The following COPZ1 variants were observed in gnomAD, a reference collection of about 807,000 sequenced individuals.
The protein encoded by COPZ1 is coatomer subunit zeta-1.
Under a neutral mutation model 31.7 loss-of-function variants are expected in COPZ1, and 4 were observed. That is an observed-to-expected ratio of 0.13 (90% CI 0.06 to 0.29). The LOEUF (loss-of-function observed/expected upper bound fraction) is 0.29, where lower values mean the gene tolerates loss of function less well. COPZ1 is among the 10% of genes least tolerant of loss of function. The pLI is 1.00. For missense variants in COPZ1, 156 were observed against 211.5 expected, an observed-to-expected ratio of 0.74 and a Z score of 1.63; for synonymous variants, 74 against 79.0, an observed-to-expected ratio of 0.94 and a Z score of 0.33.
rs544566942 is a variant in COPZ1 at position 54,337,554 on chromosome 12, C to A, written c.19-2993C>A. On this transcript the variant is annotated intron_variant, in intron 1 of 8. Transcript: ENST00000262061. ...ATGACTTCTGGGGCCTTTAAACTGG[C>A]TAGTTTTATGGCATAGCCCTCCCCA... Among the ~76,000 whole-genome samples the A allele has an allele frequency of 1.7e-3, 252 of 152,280 alleles. 1 individual carries two copies. The highest frequency in any genetic ancestry group is 3.1e-3 in the Non-Finnish European group (213 of 68,016).
chr12:54,332,095 C>T (rs902578765), intron 1 of COPZ1, among the ~76,000 whole-genome samples: 11 of 152,076 alleles, frequency 7.2e-5, no homozygotes, highest in East Asian at 1.9e-4. Context: ...GAGGCCGAGG[C>T]GGGCGGATCA....
intron 7 of COPZ1, among the ~76,000 whole-genome samples, chr12:54,348,612 C>T (rs1565597888): frequency 6.6e-6 from 1 of 152,060 alleles, no homozygotes; most frequent in Non-Finnish European, 1.5e-5. Flanking sequence ...TGGTGCGTGC[C>T]TGTGATCCCA....
chr12:54,341,616 C>T (rs931739250), intron 2 of COPZ1, among the ~76,000 whole-genome samples: 5 of 152,188 alleles, frequency 3.3e-5, no homozygotes, highest in Non-Finnish European at 7.3e-5. Context: ...AAAGAGCTAG[C>T]GATTTAGCAG....
In COPZ1 at chr12:54,346,270, CTTTTTTTTT is replaced by C. The variant is rs1029430029; in HGVS notation, c.317+762_317+770del. On this transcript the variant is annotated intron_variant, in intron 5 of 8. Coordinates refer to ENST00000262061, the MANE Select transcript of COPZ1 (RefSeq NM_016057.3). ...GAAGCAACACTCCCAATTTTTTTTT[CTTTTTTTTT>C]TTTTTTGAGATGGAGTCTCACTCTG... Among the ~76,000 whole-genome samples the C allele has an allele frequency of 3.6e-5, 5 of 138,446 alleles. No individual in the cohort carries two copies. In the East Asian group the frequency reaches 1.1e-3, roughly 29 times the overall value. 90.8% of individuals were successfully genotyped at this position (138,446 alleles called of 152,430 possible). A position where few individuals can be genotyped will look rare whatever the true frequency, so the allele number is the denominator to read the frequency against.
At chr12:54,340,491 G>A in intron 1 of COPZ1, 56 bp from the exon 2 acceptor site, 1 of 1,609,404 alleles carries the variant, frequency 6.2e-7, no homozygotes, top group Non-Finnish European at 8.5e-7. Context: ...AAGGTATCTG[G>A]TTTACCAGTG....
Position 54,350,812 on chromosome 12 carries a change from C to T in COPZ1, c.*289C>T. The T allele has an allele frequency of 6.5e-6, 3 of 465,044 alleles. No individual in the cohort carries two copies. Among genetic ancestry groups the T allele is most frequent in the African/African-American group, 1.9e-5 (1 of 51,830 alleles). The allele number at this position is 465,044 out of a possible 1,614,324, so 28.8% of individuals were successfully genotyped here. ...GATTATGCTCACATGCTCCCTTGCC[C>T]TGACATTTTTGTAAATTCTGTGCCC... is the stretch of plus-strand genomic sequence containing the variant. On this transcript the variant is annotated 3_prime_UTR_variant, in exon 9 of 9. Transcript: ENST00000262061.
chr12:54,335,809 C>CTACA (rs1953852665), intron 1 of COPZ1, among the ~76,000 whole-genome samples: 1 of 151,272 alleles, frequency 6.6e-6, no homozygotes, highest in Non-Finnish European at 1.5e-5. Context: ...GTAGCTGAGA[C>CTACA]TACAGGTGCA....
rs71070816 is a variant in COPZ1, at chr12:54,326,640, GGTGTGTGTGTGTGTGTGT to G, written c.18+1482_18+1499del. ...AGTGCCCTATTTTGCGATTTGGAGG[GGTGTGTGTGTGTGTGTGT>G]GTGTGTGTGTGTGTGTGTGTGTAGG... is the stretch of plus-strand genomic sequence containing the variant. On this transcript the variant is annotated intron_variant, in intron 1 of 8. Transcript: ENST00000262061. Among the ~76,000 whole-genome samples the G allele has an allele frequency of 8.2e-5, 11 of 134,484 alleles. No individual in the cohort carries two copies. The Admixed American group carries it at 8.8e-4, about 11-fold the overall frequency. The allele number at this position is 134,484 out of a possible 152,430, so 88.2% of individuals were successfully genotyped here.
chr12:54,349,309 AG>A lies in COPZ1; in HGVS notation c.448-309del, dbSNP rs745935560. Among the ~76,000 whole-genome samples the A allele has an allele frequency of 6.6e-5, 10 of 152,268 alleles. No homozygotes were observed. The East Asian group carries it at 9.7e-4, about 15-fold the overall frequency. ...AAAGGCCTTTTCTGACTAGGGAATC[AG>A]GTCCTCCACCCCCACGTTAAGGGAG... On this transcript the variant is annotated intron_variant, in intron 7 of 8. Transcript: ENST00000262061.
intron 1 of COPZ1, among the ~76,000 whole-genome samples, chr12:54,338,307 T>G (rs1953908000): frequency 6.6e-6 from 1 of 152,228 alleles, no homozygotes; most frequent in South Asian, 2.1e-4. Context: ...CTTTTGGAAT[T>G]GAGGACCCAA....
At chr12:54,347,441 T>TC (rs955748085) in intron 5 of COPZ1, among the ~76,000 whole-genome samples, 1 of 152,182 alleles carries the variant, frequency 6.6e-6, no homozygotes, top group African/African-American at 2.4e-5. Flanking sequence ...ATTGTTTTTT[T>TC]CCACCCACTG....
At chr12:54,329,471 C>G (rs891237980) in intron 1 of COPZ1, among the ~76,000 whole-genome samples, 7 of 152,082 alleles carry the variant, frequency 4.6e-5, no homozygotes, top group Admixed American at 6.5e-5. Context: ...TAATCCCCAG[C>G]TACACGGGAG....
intron 1 of COPZ1, chr12:54,340,268 C>T: frequency 4.1e-6 from 2 of 489,426 alleles, no homozygotes; most frequent in Middle Eastern, 5.2e-4. Context: ...TTGGAAATAA[C>T]AGCATGACCT....
chr12:54,333,165 T>C (rs1953788731), intron 1 of COPZ1, among the ~76,000 whole-genome samples: 1 of 152,142 alleles, frequency 6.6e-6, no homozygotes, highest in African/African-American at 2.4e-5. Flanking sequence ...TGCCTCAGCC[T>C]CCTGAATAGC....
At chr12:54,349,472 AC>A (rs1382681942) in intron 7 of COPZ1, 147 bp from the exon 8 acceptor site, 1 of 736,242 alleles carries the variant, frequency 1.4e-6, no homozygotes, top group African/African-American at 1.7e-5. Context: ...TTGTAGCTGT[AC>A]TAGTCCCTAG....
chr12:54,337,342 G>A lies in COPZ1; in HGVS notation c.19-3205G>A, dbSNP rs780005994. 16 of 532,326 alleles carry A rather than the reference G, an allele frequency of 3.0e-5. No homozygotes were observed. In the East Asian group the frequency reaches 8.2e-4, roughly 27 times the overall value. The allele number at this position is 532,326 out of a possible 1,614,324, so 33.0% of individuals were successfully genotyped here. ...AGCTACCCATTTTGGGAGTGGGAGGGAAGAATAGACCTTTTAAATTCTTTC... is the reference window on the plus strand; with the variant it reads ...AGCTACCCATTTTGGGAGTGGGAGGAAAGAATAGACCTTTTAAATTCTTTC... On this transcript the variant is annotated intron_variant, in intron 1 of 8. Transcript: ENST00000262061.
chr12:54,340,446 TCTGTATCCC>T, intron 1 of COPZ1, 92 bp from the exon 2 acceptor site: 2 of 1,547,810 alleles, frequency 1.3e-6, no homozygotes, highest in Non-Finnish European at 1.7e-6. Flanking sequence ...CAGAGGTACC[TCTGTATCCC>T]CTTGCAGCCC....
chr12:54,329,719 T>C (rs772440418), intron 1 of COPZ1, among the ~76,000 whole-genome samples: 1 of 152,214 alleles, frequency 6.6e-6, no homozygotes, highest in Non-Finnish European at 1.5e-5. Flanking sequence ...AATTCTGTAC[T>C]TTGTCTTACC....
chr12:54,333,778 T>C (rs1953802760), intron 1 of COPZ1, among the ~76,000 whole-genome samples: 1 of 152,170 alleles, frequency 6.6e-6, no homozygotes, highest in African/African-American at 2.4e-5. Context: ...GATAGGAAGA[T>C]TGTAGGTGTC....
Sources: gnomAD v4.1 joint callset for allele counts (sites outside exome capture counted in the v4.1 genomes callset) on GRCh38, gnomAD v4.1.1 for gene constraint, MANE v1.5 for transcripts, NCBI Gene and HGNC (gene_info 2026-07-23, HGNC 2026-07-21) for gene names.